The following MITD1 variants were observed in gnomAD, a reference collection of about 807,000 sequenced individuals.
The protein encoded by MITD1 is microtubule interacting and trafficking domain containing 1, also known as MIT domain-containing protein 1.
MITD1 carries 24 observed loss-of-function variants against 34.9 expected under a neutral mutation model. The ratio of observed to expected loss-of-function variants is 0.69; its 90% CI spans 0.50 to 0.97. MITD1 has a LOEUF of 0.97. Among genes scored for constraint, MITD1 ranks in the 50% least tolerant of loss-of-function variants. The pLI, the probability that MITD1 is intolerant of heterozygous loss-of-function variation, is 0.00. For missense variants in MITD1, 266 were observed against 294.6 expected (o/e 0.90, Z 0.71); for synonymous variants, 102 against 101.4 (o/e 1.01, Z -0.04).
chr2:99,174,977 C>T (rs902244842), intron 1 of MITD1, among the ~76,000 whole-genome samples: 2 of 152,192 alleles, frequency 1.3e-5, no homozygotes, highest in Admixed American at 6.5e-5. Flanking sequence ...CCGCCCACCT[C>T]GGCCTCCCAA....
Position 99,169,310 on chromosome 2 carries a change from T to C in MITD1, c.*65A>G. On this transcript the variant is annotated 3_prime_UTR_variant, in exon 7 of 7. Coordinates refer to ENST00000289359, the MANE Select transcript of MITD1 (RefSeq NM_138798.3). Reference sequence around the variant, plus strand: ...TTGTTAAATTCATACATTATAAAAGTGATCTTTTAAAAAAAATCCAATATT... The same window carrying C: ...TTGTTAAATTCATACATTATAAAAGCGATCTTTTAAAAAAAATCCAATATT... 1.3e-6 allele frequency: 1 copy of C among 757,602 alleles called. No individual in the cohort carries two copies. Among genetic ancestry groups the C allele is most frequent in the Non-Finnish European group, 2.2e-6 (1 of 455,308 alleles). The allele number at this position is 757,602 out of a possible 1,614,324, so 46.9% of individuals were successfully genotyped here.
chr2:99,164,434 C>T (rs2093816929), downstream of MITD1, among the ~76,000 whole-genome samples: 1 of 152,128 alleles, frequency 6.6e-6, no homozygotes. Flanking sequence ...ATCCTGTTGC[C>T]TCAGGTTCTG....
chr2:99,174,129 T>A, intron 1 of MITD1, 113 bp from the exon 2 acceptor site: 1 of 612,340 alleles, frequency 1.6e-6, no homozygotes, highest in Non-Finnish European at 2.8e-6. Flanking sequence ...CTAGTATGGC[T>A]TGCCTCAGTC....
downstream of MITD1, among the ~76,000 whole-genome samples, chr2:99,167,701 A>C (rs1361455372): frequency 6.6e-6 from 1 of 152,208 alleles, no homozygotes; most frequent in African/African-American, 2.4e-5. Flanking sequence ...GGGCAAGATA[A>C]GCAAAGATAC....
chr2:99,174,037 ATTATC>A (rs1656646472), intron 1 of MITD1, 21 bp from the exon 2 acceptor site: 1 of 1,123,456 alleles, frequency 8.9e-7, no homozygotes, highest in Non-Finnish European at 1.3e-6. Context: ...AAAAATATAT[ATTATC>A]AAGTATCAAA....
chr2:99,169,021 C>T (rs2093840485), downstream of MITD1, among the ~76,000 whole-genome samples: 1 of 129,566 alleles, frequency 7.7e-6, no homozygotes, highest in African/African-American at 2.8e-5. Flanking sequence ...TTTAAAAGCA[C>T]TCTAATCCAT....
At chr2:99,162,263 A>G (rs376450888) in intron 7 of MITD1, 2 of 1,613,208 alleles carry the variant, frequency 1.2e-6, no homozygotes, top group Middle Eastern at 1.6e-4. Flanking sequence ...GAAGAAGTGG[A>G]GGAGGAACAG....
downstream of MITD1, among the ~76,000 whole-genome samples, chr2:99,166,474 G>A (rs528843628): frequency 3.1e-4 from 42 of 134,822 alleles, no homozygotes; most frequent in African/African-American, 1.1e-3. Flanking sequence ...CAAATAGGTG[G>A]TGAGGAAATA....
rs1171565812 is a variant in MITD1, at chr2:99,180,883, C to G, written c.99G>C (p.Gln33His). 1 of 1,614,094 alleles carries G rather than the reference C, an allele frequency of 6.2e-7. No homozygotes were observed. The highest frequency in any genetic ancestry group is 8.5e-7 in the Non-Finnish European group (1 of 1,180,044). The change falls in exon 1 of 7, where the codon CAG (glutamine) becomes CAC (histidine). Residue 33 changes from glutamine (Q) to histidine (H), a missense_variant. Gln to His is a conservative substitution (Grantham distance 24). Coordinates refer to ENST00000289359, the MANE Select transcript of MITD1 (RefSeq NM_138798.3). ...TCCCCTCTTGGTAACACACCAGAGC[C>G]TGCGGATACCGCGACTCCGAATCTA... ...VELDSESRYP[Q>H]ALVCYQEGID... is the part of the protein sequence containing the mutation.
chr2:99,174,030 A>C lies in MITD1; in HGVS notation c.152-14T>G, dbSNP rs2093873282. 8.3e-7 allele frequency: 1 copy of C among 1,201,766 alleles called. No individual in the cohort carries two copies. The highest frequency in any genetic ancestry group is 1.5e-5 in the African/African-American group (1 of 64,528). 74.4% of individuals were successfully genotyped at this position (1,201,766 alleles called of 1,614,324 possible). ...TATCTTTGGTACCTACAAATTTAAA[A>C]ATATATATTATCAAGTATCAAAATA... On this transcript the variant is annotated splice_polypyrimidine_tract_variant and intron_variant, in intron 1 of 6. Coordinates refer to ENST00000289359, the MANE Select transcript of MITD1 (RefSeq NM_138798.3).
Position 99,181,046 on chromosome 2 carries a change from G to A in MITD1, c.-65C>T, listed in dbSNP as rs2105237311. ...TTGAGCGGGTCTGCTGCGCTTCCGG[G>A]AAGTGGTCATGTGATACCCAGGCGC... is the stretch of plus-strand genomic sequence containing the variant. On this transcript the variant is annotated 5_prime_UTR_variant, in exon 1 of 7. Coordinates refer to ENST00000289359, the MANE Select transcript of MITD1 (RefSeq NM_138798.3). The A allele has an allele frequency of 3.9e-6, 6 of 1,553,944 alleles. No homozygotes were observed. Among genetic ancestry groups the A allele is most frequent in the African/African-American group, 1.4e-5 (1 of 73,510 alleles).
downstream of MITD1, among the ~76,000 whole-genome samples, chr2:99,166,745 AACTT>A (rs1400382438): frequency 2.0e-5 from 3 of 150,898 alleles, no homozygotes; most frequent in African/African-American, 7.3e-5. Context: ...TCATTTTTTT[AACTT>A]AGCTTATGTT....
rs1350077491 is a variant in MITD1, at chr2:99,179,615, T to C, written c.151+1216A>G. ...GTCTTGTTCTATTGGCAGACTGGAGTGCAGTGGCGCGATCTCGGCTCACTG... is the reference window on the plus strand; with the variant it reads ...GTCTTGTTCTATTGGCAGACTGGAGCGCAGTGGCGCGATCTCGGCTCACTG... On this transcript the variant is annotated intron_variant, in intron 1 of 6. Coordinates refer to ENST00000289359, the MANE Select transcript of MITD1 (RefSeq NM_138798.3). 2.6e-5 allele frequency among the ~76,000 whole-genome samples: 4 copies of C among 152,106 alleles called. No homozygotes were observed. The South Asian group carries it at 6.2e-4, about 24-fold the overall frequency.
chr2:99,166,858 AATATATATATATAT>A (rs10584187), downstream of MITD1, among the ~76,000 whole-genome samples: 22,785 of 115,410 alleles, frequency 0.2, 2,521 homozygotes, highest in East Asian at 0.42. Context: ...TGGGGTTTTA[AATATATATATATAT>A]ATATATATAT....
intron 7 of MITD1, chr2:99,163,166 CT>C: frequency 1.5e-6 from 1 of 659,610 alleles, no homozygotes; most frequent in Non-Finnish European, 2.3e-6. Context: ...AACCTAGTCT[CT>C]TTTAGTAACG....
In MITD1 at chr2:99,164,179, T is replaced by G. The variant is rs548491748; in HGVS notation, c.*4-1961A>C. Among the ~76,000 whole-genome samples the G allele has an allele frequency of 2.4e-3, 367 of 152,292 alleles. 2 individuals are homozygous for G. Among genetic ancestry groups the G allele is most frequent in the African/African-American group, 8.4e-3 (350 of 41,560 alleles). ...TCATCTCTGGTTGAGTTCCCCTCAT[T>G]CTTAAGGGGAATGTTTCCACTCTTC... is the stretch of plus-strand genomic sequence containing the variant. On this transcript the variant is annotated intron_variant, in intron 7 of 7. Transcript: ENST00000422537.
intron 1 of MITD1, 40 bp from the exon 2 acceptor site, chr2:99,174,056 G>GAAAAACTA: frequency 9.6e-7 from 1 of 1,046,452 alleles, no homozygotes; most frequent in Non-Finnish European, 1.4e-6. Context: ...TATCAAAATA[G>GAAAAACTA]TTTTTCTATT....
intron 7 of MITD1, chr2:99,163,289 CTCTT>C (rs745411951): frequency 4.4e-5 from 15 of 339,760 alleles, no homozygotes; most frequent in South Asian, 1.3e-4. Flanking sequence ...CTCTAGGATC[CTCTT>C]TCTTCTCTTT....
intron 1 of MITD1, among the ~76,000 whole-genome samples, chr2:99,179,411 A>G (rs2093903521): frequency 6.6e-6 from 1 of 152,134 alleles, no homozygotes; most frequent in Non-Finnish European, 1.5e-5. Context: ...CTCCTACTTG[A>G]TAGGGCAATT....
Sources: allele counts gnomAD v4.1 joint callset (sites outside exome capture counted in the v4.1 genomes callset), GRCh38; gene constraint gnomAD v4.1.1; transcripts MANE v1.5; gene names NCBI Gene and HGNC (gene_info 2026-07-23, HGNC 2026-07-21).